Variants in PRRT1B observed in about 807,000 individuals in gnomAD.
PRRT1B encodes the protein dispanin subfamily D member 2.
exon 2 of PRRT1B, chr9:131,554,819 C>T (rs1191637162): frequency 5.5e-6 from 2 of 362,870 alleles, no homozygotes; most frequent in East Asian, 4.0e-5. Context: ...GCGGCGCCCC[C>T]CACATCGGCT....
intron 3 of PRRT1B, among the ~76,000 whole-genome samples, chr9:131,557,463 A>T (rs1330945300): frequency 6.6e-6 from 1 of 152,220 alleles, no homozygotes; most frequent in Non-Finnish European, 1.5e-5. Context: ...ACTTGAATCC[A>T]GGAGGTGAAG....
At chr9:131,553,043 A>G (rs1006110861) in intron 1 of PRRT1B, among the ~76,000 whole-genome samples, 12 of 151,840 alleles carry the variant, frequency 7.9e-5, no homozygotes, top group African/African-American at 2.7e-4. Flanking sequence ...TCTTTCAGTG[A>G]CCTCAGATGC....
At chr9:131,547,178 T>C (rs1950982262) in intron 1 of PRRT1B, among the ~76,000 whole-genome samples, 1 of 149,128 alleles carries the variant, frequency 6.7e-6, no homozygotes, top group African/African-American at 2.5e-5. Context: ...TTCAAGGGAT[T>C]CTCCCTCCCA....
exon 2 of PRRT1B, chr9:131,554,742 C>G: frequency 3.1e-6 from 1 of 326,220 alleles, no homozygotes; most frequent in Non-Finnish European, 5.6e-6. Flanking sequence ...GGGCAGCGAG[C>G]CCGCCCCGGA....
At chr9:131,552,492 C>T (rs1178524219) in intron 1 of PRRT1B, among the ~76,000 whole-genome samples, 1 of 147,978 alleles carries the variant, frequency 6.8e-6, no homozygotes, top group Non-Finnish European at 1.5e-5. Flanking sequence ...TGTTACAATT[C>T]CCTGGAGAAG....
At chr9:131,547,598 T>TTCA (rs1950984853) in intron 1 of PRRT1B, among the ~76,000 whole-genome samples, 1 of 152,204 alleles carries the variant, frequency 6.6e-6, no homozygotes, top group African/African-American at 2.4e-5. Context: ...TGTTTGGTGG[T>TTCA]CTCTTCACAC....
chr9:131,554,957 G>A (rs986625774), exon 2 of PRRT1B: 4 of 389,994 alleles, frequency 1.0e-5, no homozygotes, highest in Admixed American at 4.5e-5. Context: ...CGCCCGCCCA[G>A]CTCTACCCAG....
At chr9:131,550,173 G>A (rs1409866439) in intron 1 of PRRT1B, among the ~76,000 whole-genome samples, 1 of 152,098 alleles carries the variant, frequency 6.6e-6, no homozygotes, top group Non-Finnish European at 1.5e-5. Context: ...TTACCTGTCC[G>A]AAAACCAGGC....
In PRRT1B at chr9:131,556,774, G is replaced by T. The variant is rs1029813596; in HGVS notation, c.642+561G>T. On this transcript the variant is annotated intron_variant, in intron 3 of 3. Coordinates refer to ENST00000636672, the Ensembl canonical transcript of PRRT1B. ...AGCCTCCCGAATAGCTGGGATTACA[G>T]ACGCCCACCACCATGCCCAGCTAAT... Among the ~76,000 whole-genome samples, 5 of 152,132 alleles carry T rather than the reference G, an allele frequency of 3.3e-5. No homozygotes were observed. In the South Asian group the frequency reaches 8.3e-4, roughly 25 times the overall value.
chr9:131,550,420 C>T lies in PRRT1B; in HGVS notation c.26-4137C>T, dbSNP rs186652284. On this transcript the variant is annotated intron_variant, in intron 1 of 3. Transcript: ENST00000636672. ...CCCATCAGGCTCAGCAAATTACGTG[C>T]GCTGTACTGCCACAAGGCTTCACAG... 1.8e-3 allele frequency among the ~76,000 whole-genome samples: 279 copies of T among 152,292 alleles called. 1 individual carries two copies. Among genetic ancestry groups the T allele is most frequent in the African/African-American group, 6.2e-3 (257 of 41,556 alleles).
chr9:131,545,723 A>C (rs916086421), intron 1 of PRRT1B, 83 bp downstream of exon 1: 27 of 331,034 alleles, frequency 8.2e-5, no homozygotes, highest in African/African-American at 7.7e-4. Context: ...CAGGTACTGG[A>C]GGGGCAGGTA....
At chr9:131,556,048 C>T (rs5024044) in intron 2 of PRRT1B, 22 bp from the exon 3 acceptor site, 4,928 of 400,750 alleles carry the variant, frequency 0.012, 198 homozygotes, top group African/African-American at 0.09. Flanking sequence ...GCTCCCTCAC[C>T]ACTGTGGCTC....
chr9:131,552,082 C>T (rs4740166), intron 1 of PRRT1B, among the ~76,000 whole-genome samples: 71,224 of 152,014 alleles, frequency 0.47, 16,883 homozygotes, highest in African/African-American at 0.5. Context: ...AGTGAGCCAC[C>T]GCATCCAGCC....
intron 1 of PRRT1B, among the ~76,000 whole-genome samples, chr9:131,549,234 T>C (rs1389832871): frequency 2.0e-5 from 3 of 152,118 alleles, no homozygotes; most frequent in Non-Finnish European, 4.4e-5. Context: ...TATTTCCGAG[T>C]TGCAATTCCT....
chr9:131,545,584 C>A (rs1028196529), exon 1 of PRRT1B: 1 of 397,878 alleles, frequency 2.5e-6, no homozygotes, highest in African/African-American at 2.1e-5. Context: ...CAGGGAGCCG[C>A]GCAGCCCTTG....
At chr9:131,554,819 C>A in exon 2 of PRRT1B, 2 of 362,870 alleles carry the variant, frequency 5.5e-6, no homozygotes, top group Non-Finnish European at 9.8e-6. Context: ...GCGGCGCCCC[C>A]CACATCGGCT....
chr9:131,557,852 C>T (rs1440221809), intron 3 of PRRT1B, among the ~76,000 whole-genome samples: 16 of 152,370 alleles, frequency 1.1e-4, no homozygotes, highest in Admixed American at 7.2e-4. Context: ...CAGTGCTGAG[C>T]GTGACAAGCG....
intron 1 of PRRT1B, among the ~76,000 whole-genome samples, chr9:131,547,016 G>C (rs1950980223): frequency 6.6e-6 from 1 of 150,620 alleles, no homozygotes; most frequent in Non-Finnish European, 1.5e-5. Context: ...CCGAGATGAC[G>C]CGGGTTACGA....
rs1271543768 is a variant in PRRT1B, at chr9:131,551,375, A to T, written c.26-3182A>T. Among the ~76,000 whole-genome samples, 1 of 151,380 alleles carries T rather than the reference A, an allele frequency of 6.6e-6. No individual in the cohort carries two copies. Among genetic ancestry groups the T allele is most frequent in the Non-Finnish European group, 1.5e-5 (1 of 67,860 alleles). ...ATCTTCCTTCAGCTTAATCTCTCCC[A>T]CTCTAGGTTCCCACGCCGCCCCTAA... is the stretch of plus-strand genomic sequence containing the variant. On this transcript the variant is annotated intron_variant, in intron 1 of 3. Transcript: ENST00000636672. The surrounding 1 kb of genome is among the most constrained non-coding windows in gnomAD (Gnocchi z 4.4).
Sources: allele counts gnomAD v4.1 joint callset (sites outside exome capture counted in the v4.1 genomes callset), GRCh38; gene constraint gnomAD v4.1.1; non-coding constraint Gnocchi (gnomAD v3.1); transcripts MANE v1.5; gene names NCBI Gene and HGNC (gene_info 2026-07-23, HGNC 2026-07-21).